LRP1B: variants seen among roughly 807,000 people sequenced by gnomAD.
The protein encoded by LRP1B is LDL receptor related protein 1B, also known as low-density lipoprotein receptor-related protein 1B.
Under a neutral mutation model 556.6 loss-of-function variants are expected in LRP1B, and 217 were observed. The ratio of observed to expected loss-of-function variants is 0.39; its 90% CI spans 0.35 to 0.44. LRP1B has a LOEUF of 0.44. Among genes scored for constraint, LRP1B ranks in the 20% least tolerant of loss-of-function variants. The pLI, the probability that LRP1B is intolerant of heterozygous loss-of-function variation, is 1.00. For synonymous variants in LRP1B, 2,047 were observed against 1,865.8 expected (o/e 1.10, Z -2.50); for missense variants, 5,053 against 5,620.8 (o/e 0.90, Z 3.23).
chr2:140,800,242 C>T (rs1690461533), intron 32 of LRP1B, among the ~76,000 whole-genome samples: 1 of 152,004 alleles, frequency 6.6e-6, no homozygotes, highest in African/African-American at 2.4e-5. Context: ...ACACTGGGGC[C>T]TGTCATAGGG....
chr2:141,125,053 A>G (rs896062035), intron 7 of LRP1B, among the ~76,000 whole-genome samples: 1 of 152,194 alleles, frequency 6.6e-6, no homozygotes, highest in African/African-American at 2.4e-5. Context: ...GGAAATGAAA[A>G]GGGAAAACTA....
chr2:141,710,561 G>T (rs756412537), intron 2 of LRP1B, among the ~76,000 whole-genome samples: 30 of 152,196 alleles, frequency 2.0e-4, no homozygotes, highest in Admixed American at 6.5e-4. Context: ...TATCTATAGG[G>T]GTTGAAATAA....
chr2:140,951,994 C>A (rs2105303235), intron 18 of LRP1B, 54 bp from the exon 19 acceptor site: 1 of 1,244,576 alleles, frequency 8.0e-7, no homozygotes, highest in Admixed American at 1.7e-5. Flanking sequence ...CTGTGCATGA[C>A]ATAATTCGTA....
chr2:141,297,186 C>T (rs114192758), intron 3 of LRP1B, among the ~76,000 whole-genome samples: 2,665 of 152,122 alleles, frequency 0.018, 71 homozygotes, highest in African/African-American at 0.06. Flanking sequence ...TGTGTCTTTT[C>T]GGTAGAACAA....
intron 27 of LRP1B, among the ~76,000 whole-genome samples, chr2:140,861,690 T>C (rs1028556093): frequency 7.9e-5 from 12 of 152,206 alleles, no homozygotes; most frequent in Non-Finnish European, 1.3e-4. Flanking sequence ...GTTATACTAA[T>C]AGCTAATGTC....
intron 41 of LRP1B, among the ~76,000 whole-genome samples, chr2:140,609,495 C>A (rs1194129567): frequency 6.6e-6 from 1 of 152,030 alleles, no homozygotes; most frequent in African/African-American, 2.4e-5. Context: ...ATTAATATAT[C>A]TTTGGGTATC....
chr2:141,725,805 C>T (rs1475562432), intron 2 of LRP1B, among the ~76,000 whole-genome samples: 1 of 151,180 alleles, frequency 6.6e-6, no homozygotes, highest in Non-Finnish European at 1.5e-5. Flanking sequence ...GTTCTGAATT[C>T]TAACTACTCT....
At chr2:140,553,270 T>C (rs905874736) in intron 43 of LRP1B, among the ~76,000 whole-genome samples, 2 of 151,952 alleles carry the variant, frequency 1.3e-5, no homozygotes, top group Non-Finnish European at 2.9e-5. Context: ...AAATATTTAA[T>C]ATAAAATAGA....
chr2:141,528,321 A>G (rs1273958280), intron 2 of LRP1B, among the ~76,000 whole-genome samples: 2 of 152,008 alleles, frequency 1.3e-5, no homozygotes, highest in Non-Finnish European at 2.9e-5. Flanking sequence ...GTAACTGGTT[A>G]TGAGATCTTT....
At chr2:141,176,065 T>C (rs1313199643) in intron 7 of LRP1B, among the ~76,000 whole-genome samples, 2 of 152,288 alleles carry the variant, frequency 1.3e-5, no homozygotes, top group East Asian at 1.9e-4. Context: ...CCAATGCCTG[T>C]ACCTCCATTG....
chr2:141,732,693 A>G (rs934876136), intron 2 of LRP1B, among the ~76,000 whole-genome samples: 2 of 152,148 alleles, frequency 1.3e-5, no homozygotes, highest in East Asian at 3.9e-4. Context: ...AGGAAGGAAG[A>G]AAGATAGCCA....
chr2:142,072,497 C>T (rs946839363), intron 1 of LRP1B, among the ~76,000 whole-genome samples: 6 of 151,938 alleles, frequency 3.9e-5, no homozygotes, highest in Non-Finnish European at 8.8e-5. Flanking sequence ...CAAGTTTGTC[C>T]AACCCCCGGC....
intron 3 of LRP1B, among the ~76,000 whole-genome samples, chr2:141,471,280 T>TTTTTTTTTTTTTTTTA (rs1682458915): frequency 6.9e-6 from 1 of 145,670 alleles, no homozygotes; most frequent in African/African-American, 2.5e-5. Flanking sequence ...TTTTTTTTTT[T>TTTTTTTTTTTTTTTTA]TTTTTTTTTT....
At chr2:140,924,996 A>G (rs552899913) in intron 20 of LRP1B, among the ~76,000 whole-genome samples, 1 of 152,118 alleles carries the variant, frequency 6.6e-6, no homozygotes, top group African/African-American at 2.4e-5. Flanking sequence ...AAGAAATAGG[A>G]ATGCAACAAT....
At chr2:142,052,098 C>T (rs374187436) in intron 1 of LRP1B, among the ~76,000 whole-genome samples, 1 of 151,834 alleles carries the variant, frequency 6.6e-6, no homozygotes, top group Non-Finnish European at 1.5e-5. Flanking sequence ...TTTGAAAAAT[C>T]AAACAACTAA....
chr2:140,873,245 A>C (rs1315058111), intron 25 of LRP1B, among the ~76,000 whole-genome samples: 5 of 152,094 alleles, frequency 3.3e-5, no homozygotes, highest in African/African-American at 1.2e-4. Context: ...AAAAGTATAA[A>C]CCCAGCCCAA....
intron 77 of LRP1B, among the ~76,000 whole-genome samples, chr2:140,343,225 G>A (rs1681484409): frequency 6.6e-6 from 1 of 151,524 alleles, no homozygotes; most frequent in African/African-American, 2.4e-5. Flanking sequence ...AAAACAATTG[G>A]CAAAAGTTTA....
rs555959959 is a variant in LRP1B at position 141,869,152 on chromosome 2, C to T, written c.83-58751G>A. Among the ~76,000 whole-genome samples, 6 of 152,094 alleles carry T rather than the reference C, an allele frequency of 3.9e-5. No homozygotes were observed. The South Asian group carries it at 6.2e-4, about 16-fold the overall frequency. On this transcript the variant is annotated intron_variant, in intron 1 of 90. Transcript: ENST00000389484. ...CCTAATATTCTAGACCAGTGCCATC[C>T]GATAGAATGTGCAATGATGAAAATG... is the stretch of plus-strand genomic sequence containing the variant.
intron 35 of LRP1B, among the ~76,000 whole-genome samples, chr2:140,723,802 A>G (rs1687497761): frequency 6.6e-6 from 1 of 152,340 alleles, no homozygotes; most frequent in South Asian, 2.1e-4. Flanking sequence ...CAAAAAGTAT[A>G]TTAGCATAGT....
Sources: allele counts gnomAD v4.1 joint callset (sites outside exome capture counted in the v4.1 genomes callset), GRCh38; gene constraint gnomAD v4.1.1; transcripts MANE v1.5; gene names NCBI Gene and HGNC (gene_info 2026-07-23, HGNC 2026-07-21).